The following LRRC38 variants were observed in gnomAD, a reference collection of about 807,000 sequenced individuals.
The protein encoded by LRRC38 is leucine-rich repeat-containing protein 38.
Under a neutral mutation model 16.4 loss-of-function variants are expected in LRRC38, and 5 were observed. The ratio of observed to expected loss-of-function variants is 0.31; its 90% CI spans 0.16 to 0.64. The LOEUF (loss-of-function observed/expected upper bound fraction) is 0.64. LRRC38 is among the 30% of genes least tolerant of loss of function. The probability of loss-of-function intolerance (pLI) is 0.80; values close to 1 mark genes in which losing one functional copy is unlikely to be tolerated. For missense variants in LRRC38, 341 were observed against 401.8 expected (o/e 0.85, Z 1.29); for synonymous variants, 191 against 190.2 (o/e 1.00, Z -0.04).
rs558025139 is a variant in LRRC38 at position 13,485,234 on chromosome 1, G to A, written c.632-9135C>T. Among the ~76,000 whole-genome samples the A allele has an allele frequency of 4.3e-5, 6 of 140,834 alleles. 1 individual carries two copies. The highest frequency in any genetic ancestry group is 2.2e-4 in the Admixed American group (3 of 13,418). 92.4% of individuals were successfully genotyped at this position (140,834 alleles called of 152,430 possible). ...GGAGGTTGTGATGAGCCAAGATCGC[G>A]CCATTGTACTCCAGCCTAGGCAACA... On this transcript the variant is annotated intron_variant, in intron 1 of 1. Transcript: ENST00000376085.
Position 13,502,002 on chromosome 1 carries a change from A to G in LRRC38, c.631+10961T>C, listed in dbSNP as rs1285114138. On this transcript the variant is annotated intron_variant, in intron 1 of 1. Transcript: ENST00000376085. ...GAATGCAGTGGCATGATCTTGGCTC[A>G]CTGCAAGCCCCACCTCCTGGGTTCA... Among the ~76,000 whole-genome samples the G allele has an allele frequency of 2.9e-4, 43 of 149,968 alleles. 1 individual carries two copies. Among genetic ancestry groups the G allele is most frequent in the Admixed American group, 2.9e-3 (43 of 15,084 alleles).
At chr1:13,478,778 C>G (rs565604153) in intron 1 of LRRC38, among the ~76,000 whole-genome samples, 2 of 152,240 alleles carry the variant, frequency 1.3e-5, no homozygotes, top group East Asian at 3.9e-4. Flanking sequence ...GTTTGTGTGT[C>G]TTTTTTTCTC....
chr1:13,504,074 A>G (rs534198702), intron 1 of LRRC38, among the ~76,000 whole-genome samples: 1 of 152,348 alleles, frequency 6.6e-6, no homozygotes, highest in African/African-American at 2.4e-5. Context: ...GGTTTCATAT[A>G]TCTGTATACG....
intron 1 of LRRC38, among the ~76,000 whole-genome samples, chr1:13,481,128 C>T (rs1309461321): frequency 2.6e-5 from 4 of 151,998 alleles, no homozygotes; most frequent in Non-Finnish European, 5.9e-5. Flanking sequence ...TTCTTCCTCC[C>T]CACCCCCTCC....
At chr1:13,502,942 A>G (rs566968947) in intron 1 of LRRC38, among the ~76,000 whole-genome samples, 1 of 152,340 alleles carries the variant, frequency 6.6e-6, no homozygotes, top group South Asian at 2.1e-4. Flanking sequence ...AAGCAATGCT[A>G]TTCTTTCCAA....
At chr1:13,480,333 G>A (rs924070919) in intron 1 of LRRC38, among the ~76,000 whole-genome samples, 14 of 151,228 alleles carry the variant, frequency 9.3e-5, no homozygotes, top group Admixed American at 2.6e-4. Flanking sequence ...TAATAAGAGC[G>A]AAACTCTGTC....
chr1:13,497,013 G>A (rs1639088456), intron 1 of LRRC38, among the ~76,000 whole-genome samples: 1 of 152,144 alleles, frequency 6.6e-6, no homozygotes, highest in African/African-American at 2.4e-5. Flanking sequence ...AGGTAAGAAG[G>A]TACCTGATGA....
chr1:13,478,472 T>C (rs1179679783), intron 1 of LRRC38, among the ~76,000 whole-genome samples: 1 of 152,200 alleles, frequency 6.6e-6, no homozygotes, highest in Non-Finnish European at 1.5e-5. Flanking sequence ...ATCCTTTGAT[T>C]AACAAGGTGC....
At chr1:13,483,794 G>A (rs771560340) in intron 1 of LRRC38, among the ~76,000 whole-genome samples, 19 of 152,144 alleles carry the variant, frequency 1.2e-4, no homozygotes, top group Non-Finnish European at 2.2e-4. Flanking sequence ...CCACGTACGT[G>A]CTCGAGAATC....
At chr1:13,476,185 C>A in intron 1 of LRRC38, 86 bp from the exon 2 acceptor site, 3 of 1,299,644 alleles carry the variant, frequency 2.3e-6, no homozygotes, top group South Asian at 1.4e-5. Flanking sequence ...CTTACAAAGC[C>A]AGCAATGTGC....
At chr1:13,486,987 G>A (rs1411524205) in intron 1 of LRRC38, among the ~76,000 whole-genome samples, 3 of 152,106 alleles carry the variant, frequency 2.0e-5, no homozygotes, top group Non-Finnish European at 2.9e-5. Flanking sequence ...CTGAATCTTG[G>A]GTGGATTGAC....
chr1:13,512,944 CCTAG>C lies in LRRC38; in HGVS notation c.631+15_631+18del. ...CTGCCCCCCTCCCTCCCTCCCCCAGCCTAGCCGGCTCGGCTCACCTTTGGGCAGT... is the reference window on the plus strand; with the variant it reads ...CTGCCCCCCTCCCTCCCTCCCCCAGCCCGGCTCGGCTCACCTTTGGGCAGT... On this transcript the variant is annotated intron_variant, in intron 1 of 1. Transcript: ENST00000376085. 1 of 1,531,042 alleles carries C rather than the reference CCTAG, an allele frequency of 6.5e-7. No homozygotes were observed. Among genetic ancestry groups the C allele is most frequent in the Non-Finnish European group, 8.8e-7 (1 of 1,134,602 alleles). 94.8% of individuals were successfully genotyped at this position (1,531,042 alleles called of 1,614,324 possible).
intron 1 of LRRC38, 36 bp downstream of exon 1, chr1:13,512,927 C>CT: frequency 7.5e-7 from 1 of 1,333,536 alleles, no homozygotes; most frequent in Non-Finnish European, 1.0e-6. Context: ...CCCTGCCCCC[C>CT]TCCCTCCCTC....
intron 1 of LRRC38, among the ~76,000 whole-genome samples, chr1:13,481,611 T>G (rs145623865): frequency 0.01 from 1,564 of 151,748 alleles, 19 homozygotes; most frequent in African/African-American, 0.025. Context: ...TAGCCAGGAT[T>G]GTCTCCACCT....
intron 1 of LRRC38, among the ~76,000 whole-genome samples, chr1:13,481,759 TTCCCTCTCTCTCCCTCTCTCCCTCTC>T (rs1167946558): frequency 3.5e-5 from 2 of 57,722 alleles, no homozygotes; most frequent in South Asian, 7.1e-4. Flanking sequence ...CTCACTTTCT[TTCCCTCTCTCTCCCTCTCTCCCTCTC>T]TCCCTCTCTC....
chr1:13,503,579 T>A (rs1639175659), intron 1 of LRRC38, among the ~76,000 whole-genome samples: 1 of 152,170 alleles, frequency 6.6e-6, no homozygotes, highest in Non-Finnish European at 1.5e-5. Context: ...CATTCTAAAT[T>A]GTTTATATAC....
chr1:13,477,833 T>C (rs370888537), intron 1 of LRRC38, among the ~76,000 whole-genome samples: 141 of 152,174 alleles, frequency 9.3e-4, no homozygotes, highest in African/African-American at 3.2e-3. Flanking sequence ...CAAAAAGAAA[T>C]GTTGGGAAAG....
Position 13,513,528 on chromosome 1 carries a change from G to T in LRRC38, c.66C>A (p.Leu22=), listed in dbSNP as rs1173660450. 1 of 1,433,320 alleles carries T rather than the reference G, an allele frequency of 7.0e-7. No individual in the cohort carries two copies. Among genetic ancestry groups the T allele is most frequent in the Admixed American group, 2.9e-5 (1 of 34,460 alleles). 88.8% of individuals were successfully genotyped at this position (1,433,320 alleles called of 1,614,324 possible). A position where few individuals can be genotyped will look rare whatever the true frequency, so the allele number is the denominator to read the frequency against. The change falls in exon 1 of 2, where the codon CTC becomes CTA. Residue 22 remains leucine, a synonymous_variant. Transcript: ENST00000376085. ...ALGLCSLLLL[L]APGHACPAGC... ...CCGCGGGGCACGCGTGCCCGGGCGC[G>T]AGCAGCAGCAGAAGGCTGCAGAGCC...
rs1408105212 is a variant in LRRC38 at position 13,513,537 on chromosome 1, C to T, written c.57G>A (p.Leu19=). Residue 19 remains leucine (L), a synonymous_variant, in exon 1 of 2, where the codon CTG becomes CTA. Transcript: ENST00000376085. ...AAAALGLCSL[L]LLLAPGHACP... ...ACGCGTGCCCGGGCGCGAGCAGCAG[C>T]AGAAGGCTGCAGAGCCCGAGCGCCG... The T allele has an allele frequency of 7.3e-7, 1 of 1,372,764 alleles. No individual in the cohort carries two copies. Among genetic ancestry groups the T allele is most frequent in the Non-Finnish European group, 9.4e-7 (1 of 1,067,676 alleles). 85.0% of individuals were successfully genotyped at this position (1,372,764 alleles called of 1,614,324 possible).
Sources: allele counts gnomAD v4.1 joint callset (sites outside exome capture counted in the v4.1 genomes callset), GRCh38; gene constraint gnomAD v4.1.1; transcripts MANE v1.5; gene names NCBI Gene and HGNC (gene_info 2026-07-23, HGNC 2026-07-21).